The following SV2C variants were observed in gnomAD, a reference collection of about 807,000 sequenced individuals.
SV2C encodes the protein synaptic vesicle glycoprotein 2C.
SV2C carries 49 observed loss-of-function variants against 79.7 expected under a neutral mutation model. That is an observed-to-expected ratio of 0.61 (90% CI 0.49 to 0.78). The LOEUF (loss-of-function observed/expected upper bound fraction) is 0.78. Among genes scored for constraint, SV2C ranks in the 30% least tolerant of loss-of-function variants. The pLI, the probability that SV2C is intolerant of heterozygous loss-of-function variation, is 0.00. For synonymous variants in SV2C, 334 were observed against 333.2 expected (o/e 1.00, Z -0.03); for missense variants, 833 against 912.9 (o/e 0.91, Z 1.13).
the SV2C span, among the ~76,000 whole-genome samples, chr5:75,972,239 G>T: frequency 6.6e-6 from 1 of 152,014 alleles, no homozygotes; most frequent in Non-Finnish European, 1.5e-5. Flanking sequence ...GAAAACCTAG[G>T]CAATACCATT....
chr5:75,905,156 C>T, the SV2C span, among the ~76,000 whole-genome samples: 2 of 152,158 alleles, frequency 1.3e-5, no homozygotes, highest in Non-Finnish European at 2.9e-5. Flanking sequence ...CTTGAATGTT[C>T]CAAGATTCTC....
the SV2C span, among the ~76,000 whole-genome samples, chr5:76,023,974 T>C: frequency 1.3e-5 from 2 of 151,446 alleles, no homozygotes; most frequent in Non-Finnish European, 2.9e-5. Context: ...ATAAAAAATG[T>C]CTTCAAATAT....
the SV2C span, among the ~76,000 whole-genome samples, chr5:76,065,271 G>A: frequency 6.6e-6 from 1 of 152,152 alleles, no homozygotes; most frequent in African/African-American, 2.4e-5. Context: ...ACAGCAACCT[G>A]TGACTGAAAA....
At chr5:76,205,494 C>A (rs1389804158) in intron 3 of SV2C, among the ~76,000 whole-genome samples, 1 of 152,068 alleles carries the variant, frequency 6.6e-6, no homozygotes, top group Non-Finnish European at 1.5e-5. Flanking sequence ...ATAAAATAGA[C>A]TTAATATCCA....
At chr5:76,291,911 C>A in intron 8 of SV2C, 55 bp downstream of exon 8, 2 of 1,285,202 alleles carry the variant, frequency 1.6e-6, no homozygotes, top group Non-Finnish European at 2.2e-6. Flanking sequence ...CACATTGTAA[C>A]TCCTAGCCAT....
chr5:76,180,695 C>T (rs559455436), intron 2 of SV2C, among the ~76,000 whole-genome samples: 1 of 152,352 alleles, frequency 6.6e-6, no homozygotes, highest in African/African-American at 2.4e-5. Flanking sequence ...TGGCCCGAGA[C>T]TGCCCCTTCA....
intron 2 of SV2C, among the ~76,000 whole-genome samples, chr5:76,160,608 C>T (rs1020752596): frequency 6.6e-6 from 1 of 152,064 alleles, no homozygotes; most frequent in African/African-American, 2.4e-5. Flanking sequence ...GACAAAACAG[C>T]CCACAGAATG....
chr5:76,293,843 A>G (rs1249646389), intron 8 of SV2C, among the ~76,000 whole-genome samples: 4 of 152,212 alleles, frequency 2.6e-5, no homozygotes, highest in Non-Finnish European at 5.9e-5. Context: ...CATCATTCCA[A>G]TAGTAGAGAT....
the SV2C span, among the ~76,000 whole-genome samples, chr5:76,058,409 T>C: frequency 6.6e-6 from 1 of 152,168 alleles, no homozygotes; most frequent in Non-Finnish European, 1.5e-5. Flanking sequence ...AACTTCAAGC[T>C]AACTGTCTCT....
At chr5:76,106,845 CAT>C (rs1291800962) in intron 1 of SV2C, among the ~76,000 whole-genome samples, 2 of 152,158 alleles carry the variant, frequency 1.3e-5, no homozygotes, top group Non-Finnish European at 2.9e-5. Context: ...TTCGAATAAA[CAT>C]GTGGCTAATT....
chr5:76,174,231 C>T (rs777545480), intron 2 of SV2C: 1 of 1,581,388 alleles, frequency 6.3e-7, no homozygotes, highest in Non-Finnish European at 8.7e-7. Context: ...CTCACGCTGT[C>T]ACCGGGTCTC....
chr5:75,849,517 G>A, the SV2C span, among the ~76,000 whole-genome samples: 9 of 152,264 alleles, frequency 5.9e-5, no homozygotes, highest in East Asian at 1.9e-4. Flanking sequence ...GGAAGTACCC[G>A]TGTGTATGTT....
At chr5:75,952,168 C>T in the SV2C span, among the ~76,000 whole-genome samples, 1 of 151,626 alleles carries the variant, frequency 6.6e-6, no homozygotes. Context: ...ATGAAACAAC[C>T]CTGATCAAAA....
At position 76,309,069 on chromosome 5, in the gene SV2C, T is replaced by C. The variant is rs547147152; in HGVS notation, c.2000+7524T>C. ...CATTTAATTGAGATCTAGTAGGTGA[T>C]AACCAGTCAAAAAGATGGAAAGAAC... On this transcript the variant is annotated intron_variant, in intron 12 of 12. Coordinates refer to ENST00000502798, the MANE Select transcript of SV2C (RefSeq NM_014979.4). Among the ~76,000 whole-genome samples the C allele has an allele frequency of 3.9e-5, 6 of 152,234 alleles. No individual in the cohort carries two copies. The East Asian group carries it at 7.8e-4, about 20-fold the overall frequency.
At chr5:75,992,982 G>T in the SV2C span, among the ~76,000 whole-genome samples, 11 of 151,996 alleles carry the variant, frequency 7.2e-5, no homozygotes, top group African/African-American at 2.7e-4. Context: ...AAGTACAGAG[G>T]ATAAAACCTT....
downstream of SV2C, among the ~76,000 whole-genome samples, chr5:76,336,347 G>A (rs1016408222): frequency 1.3e-5 from 2 of 152,126 alleles, no homozygotes; most frequent in African/African-American, 4.8e-5. Context: ...CGGCTGGGAA[G>A]AGGCGCTCCT....
the SV2C span, among the ~76,000 whole-genome samples, chr5:76,050,592 C>A: frequency 6.7e-6 from 1 of 148,154 alleles, no homozygotes. Flanking sequence ...CTCTCTCTTT[C>A]ACTCTCTCTC....
chr5:76,125,531 A>G (rs552346134), intron 1 of SV2C, among the ~76,000 whole-genome samples: 1 of 152,316 alleles, frequency 6.6e-6, no homozygotes, highest in Non-Finnish European at 1.5e-5. Flanking sequence ...TTTGGAAATG[A>G]TTGGGTAACA....
At chr5:75,873,631 T>C in the SV2C span, among the ~76,000 whole-genome samples, 1 of 152,166 alleles carries the variant, frequency 6.6e-6, no homozygotes, top group Non-Finnish European at 1.5e-5. Flanking sequence ...GAACATTCAT[T>C]GTAGCATACT....
Sources: allele counts gnomAD v4.1 joint callset (sites outside exome capture counted in the v4.1 genomes callset), GRCh38; gene constraint gnomAD v4.1.1; transcripts MANE v1.5; gene names NCBI Gene and HGNC (gene_info 2026-07-23, HGNC 2026-07-21).